Variants in HMGCS1 observed in about 807,000 individuals in gnomAD.
HMGCS1 encodes the protein 3-hydroxy-3-methylglutaryl-CoA synthase 1.
A neutral mutation model predicts 52.3 loss-of-function variants in HMGCS1; 9 were observed. The ratio of observed to expected loss-of-function variants is 0.17; its 90% CI spans 0.10 to 0.30. HMGCS1 has a LOEUF of 0.30. Among genes scored for constraint, HMGCS1 ranks in the 10% least tolerant of loss-of-function variants. The probability of loss-of-function intolerance (pLI) is 1.00; values close to 1 mark genes in which losing one functional copy is unlikely to be tolerated. For synonymous variants in HMGCS1, 176 were observed against 214.4 expected, an observed-to-expected ratio of 0.82 and a Z score of 1.57; for missense variants, 320 against 620.9, an observed-to-expected ratio of 0.52 and a Z score of 5.15.
intron 4 of HMGCS1, among the ~76,000 whole-genome samples, 165 bp downstream of exon 4, chr5:43,297,844 A>G (rs1299703887): frequency 6.6e-6 from 1 of 151,958 alleles, no homozygotes; most frequent in Non-Finnish European, 1.5e-5. Flanking sequence ...GTCTCAAAAA[A>G]AAAAAAAAAG....
intron 1 of HMGCS1, among the ~76,000 whole-genome samples, chr5:43,312,357 T>C (rs1754912670): frequency 6.6e-6 from 1 of 152,122 alleles, no homozygotes; most frequent in Non-Finnish European, 1.5e-5. Flanking sequence ...GCAGCAGAGG[T>C]GAGCAGTGAA....
Position 43,291,201 on chromosome 5 carries a change from T to C in HMGCS1, c.1493A>G (p.Lys498Arg), listed in dbSNP as rs760000174. The change falls in exon 11 of 11, where the codon AAG becomes AGG. Residue 498 changes from lysine (K) to arginine (R), a missense_variant. By Grantham distance (26) the Lys-to-Arg change is conservative (BLOSUM62 2). Around this residue, in one of 3 missense-constraint regions of HMGCS1, gnomAD observed 213 missense variants for 337.4 expected, o/e 0.63. Transcript: ENST00000325110. ...IATEHIPSPA[K>R]KVPRLPATAA... Reference sequence around the variant, plus strand: ...TGTGGCAGGGAGTCTTGGTACTTTCTTGGCAGGGCTTGGAATATGCTAAAA... The same window carrying C: ...TGTGGCAGGGAGTCTTGGTACTTTCCTGGCAGGGCTTGGAATATGCTAAAA... 1 of 1,611,996 alleles carries C rather than the reference T, an allele frequency of 6.2e-7. No homozygotes were observed. Among genetic ancestry groups the C allele is most frequent in the Admixed American group, 1.7e-5 (1 of 59,978 alleles).
At chr5:43,293,715 ATT>A (rs34929647) in intron 8 of HMGCS1, 11,913 of 146,950 alleles carry the variant, frequency 0.081, 1,145 homozygotes, top group African/African-American at 0.25. Flanking sequence ...TTCTCAATAC[ATT>A]TTTTTTTTTT....
At position 43,297,105 on chromosome 5, in the gene HMGCS1, T is replaced by C. The variant is rs748193001; in HGVS notation, c.636A>G (p.Glu212=). Residue 212 remains glutamate, a synonymous_variant, in exon 5 of 11, where the codon GAA becomes GAG. Coordinates refer to ENST00000325110, the MANE Select transcript of HMGCS1 (RefSeq NM_001098272.3). ...YDFYKPDMLS[E]YPIVDGKLSI... ...AGAGTTTTCCATCTACTATAGGATA[T>C]TCAGATAGCATATCAGGCTTGTAAA... 6 of 1,613,724 alleles carry C rather than the reference T, an allele frequency of 3.7e-6. No individual in the cohort carries two copies. Among genetic ancestry groups the C allele is most frequent in the Non-Finnish European group, 5.1e-6 (6 of 1,179,762 alleles).
intron 1 of HMGCS1, chr5:43,312,901 C>G (rs1025787525): frequency 5.3e-5 from 8 of 152,276 alleles, no homozygotes; most frequent in African/African-American, 1.2e-4. Context: ...CCCTGCGAAC[C>G]TACCAGCCTC....
At chr5:43,302,634 G>A (rs1754376961) in intron 2 of HMGCS1, among the ~76,000 whole-genome samples, 1 of 152,168 alleles carries the variant, frequency 6.6e-6, no homozygotes, top group Non-Finnish European at 1.5e-5. Context: ...CATGACATTT[G>A]CATATGACAG....
intron 2 of HMGCS1, among the ~76,000 whole-genome samples, chr5:43,307,336 G>A (rs903367148): frequency 6.6e-6 from 1 of 152,046 alleles, no homozygotes; most frequent in African/African-American, 2.4e-5. Context: ...GCCTCCCAAA[G>A]TGGTGGGATT....
At chr5:43,312,803 GC>G (rs1172559809) in intron 1 of HMGCS1, among the ~76,000 whole-genome samples, 4 of 152,264 alleles carry the variant, frequency 2.6e-5, no homozygotes, top group African/African-American at 7.2e-5. Flanking sequence ...GGTTGTGAAC[GC>G]TTTCTTGCAC....
In HMGCS1 at chr5:43,290,001, G is replaced by A. The variant is rs1302340044; in HGVS notation, c.*1130C>T. ...GTTTTGTTTGTTGTTGTTTTTTAAG[G>A]TAAAAGTCCTACTTCAGACCTTGAA... On this transcript the variant is annotated 3_prime_UTR_variant, in exon 11 of 11. Transcript: ENST00000325110. 6.6e-6 allele frequency: 1 copy of A among 150,894 alleles called. No homozygotes were observed. The highest frequency in any genetic ancestry group is 1.5e-5 in the Non-Finnish European group (1 of 67,778). 9.3% of individuals were successfully genotyped at this position (150,894 alleles called of 1,614,324 possible). A position where few individuals can be genotyped will look rare whatever the true frequency, so the allele number is the denominator to read the frequency against.
chr5:43,294,211 C>T (rs748846997), intron 7 of HMGCS1, 49 bp from the exon 8 acceptor site: 4 of 1,139,270 alleles, frequency 3.5e-6, no homozygotes, highest in Non-Finnish European at 5.3e-6. Context: ...TCCAAAGCTA[C>T]AGCGTGTGGG....
intron 1 of HMGCS1, among the ~76,000 whole-genome samples, chr5:43,312,736 T>C (rs1026239989): frequency 9.2e-5 from 14 of 152,298 alleles, no homozygotes; most frequent in Admixed American, 9.1e-4. Context: ...GGCAGTGATC[T>C]ATGAGATTTG....
At chr5:43,296,181 A>ATT (rs72297937) in intron 5 of HMGCS1, among the ~76,000 whole-genome samples, 18 of 151,792 alleles carry the variant, frequency 1.2e-4, no homozygotes, top group African/African-American at 2.9e-4. Context: ...CAGGATTAGT[A>ATT]TTTTTTTTAA....
chr5:43,292,819 T>C, intron 9 of HMGCS1, 29 bp downstream of exon 9: 1 of 1,609,556 alleles, frequency 6.2e-7, no homozygotes, highest in East Asian at 2.2e-5. Flanking sequence ...TCCAAATGGG[T>C]TAACTTAAAG....
chr5:43,309,006 T>A (rs1287666006), intron 1 of HMGCS1, among the ~76,000 whole-genome samples: 1 of 152,114 alleles, frequency 6.6e-6, no homozygotes, highest in Non-Finnish European at 1.5e-5. Context: ...GAAAATAACC[T>A]ATCTTTGTTC....
In HMGCS1 at chr5:43,288,317, A is replaced by C. The variant is rs1753585027; in HGVS notation, c.*2814T>G. On this transcript the variant is annotated 3_prime_UTR_variant, in exon 11 of 11. Transcript: ENST00000325110. ...CACTACCAGCAAAGAAAAAATGAGGAACCTATGACTTAAGAGCAGTTGCTA... is the reference window on the plus strand; with the variant it reads ...CACTACCAGCAAAGAAAAAATGAGGCACCTATGACTTAAGAGCAGTTGCTA... 1 of 152,204 alleles carries C rather than the reference A, an allele frequency of 6.6e-6. No homozygotes were observed. The highest frequency in any genetic ancestry group is 2.4e-5 in the African/African-American group (1 of 41,456). 9.4% of individuals were successfully genotyped at this position (152,204 alleles called of 1,614,324 possible). A position where few individuals can be genotyped will look rare whatever the true frequency, so the allele number is the denominator to read the frequency against.
intron 2 of HMGCS1, among the ~76,000 whole-genome samples, chr5:43,306,166 T>C (rs1012339743): frequency 1.3e-5 from 2 of 152,208 alleles, no homozygotes; most frequent in Non-Finnish European, 2.9e-5. Context: ...AGAAACTCCA[T>C]ATGCTATTTC....
At chr5:43,294,289 G>A (rs1753926439) in intron 7 of HMGCS1, 127 bp from the exon 8 acceptor site, 1 of 639,620 alleles carries the variant, frequency 1.6e-6, no homozygotes, top group Non-Finnish European at 2.8e-6. Context: ...AAGTTTTAAG[G>A]ATCTAACTCA....
intron 2 of HMGCS1, among the ~76,000 whole-genome samples, chr5:43,305,160 A>G (rs1210634034): frequency 6.6e-6 from 1 of 151,760 alleles, no homozygotes; most frequent in Non-Finnish European, 1.5e-5. Context: ...CTGATTTTGT[A>G]TTTTTAATAG....
chr5:43,297,893 T>C (rs1754113555), intron 4 of HMGCS1, 116 bp downstream of exon 4: 5 of 787,856 alleles, frequency 6.3e-6, no homozygotes, highest in Non-Finnish European at 9.8e-6. Context: ...ATAAAGCTCT[T>C]AGCAAGTAGT....
Sources: allele counts gnomAD v4.1 joint callset (sites outside exome capture counted in the v4.1 genomes callset), GRCh38; gene constraint gnomAD v4.1.1; regional missense constraint gnomAD v4.1.1; transcripts MANE v1.5; gene names NCBI Gene and HGNC (gene_info 2026-07-23, HGNC 2026-07-21).